Variants in RALY observed in about 807,000 individuals in gnomAD.
RALY encodes the protein RNA-binding protein Raly.
In RALY, 15 loss-of-function variants were observed where a neutral mutation model predicts 30.7. The observed-to-expected ratio is 0.49, with a 90% CI of 0.33 to 0.75. The LOEUF (loss-of-function observed/expected upper bound fraction) is 0.75. Ranked by LOEUF, RALY falls within the 30% of genes least tolerant of loss-of-function variation. The pLI, the probability that RALY is intolerant of heterozygous loss-of-function variation, is 0.02. For synonymous variants in RALY, 177 were observed against 170.8 expected (o/e 1.04, Z -0.28); for missense variants, 339 against 414.3 (o/e 0.82, Z 1.58).
intron 7 of RALY, 31 bp downstream of exon 7, chr20:34,076,846 A>C: frequency 6.2e-7 from 1 of 1,609,206 alleles, no homozygotes; most frequent in Non-Finnish European, 8.5e-7. Flanking sequence ...ACCCACCTCC[A>C]TGACCAGGGC....
At chr20:34,014,545 G>T (rs1012956585) in intron 1 of RALY, among the ~76,000 whole-genome samples, 18 of 152,152 alleles carry the variant, frequency 1.2e-4, no homozygotes, top group Non-Finnish European at 2.4e-4. Context: ...ATTTAAATTT[G>T]GGATTTGGGT....
At position 34,077,072 on chromosome 20, in the gene RALY, G is replaced by GGTGGTGGTGGCAGCGGTGGCGGTGGCA; in HGVS notation, c.715_741dup (p.Ser239_Gly247dup). On this transcript the variant is annotated inframe_insertion, in exon 8 of 10. Transcript: ENST00000246194. ...TGGAGGTGGCGCCGGCGGCGGCGGC[G>GGTGGTGGTGGCAGCGGTGGCGGTGGCA]GTGGTGGTGGCAGCGGTGGCGGTGG... 1.2e-6 allele frequency: 2 copies of GGTGGTGGTGGCAGCGGTGGCGGTGGCA among 1,601,838 alleles called. No individual in the cohort carries two copies. The highest frequency in any genetic ancestry group is 1.3e-5 in the African/African-American group (1 of 74,860).
intron 2 of RALY, among the ~76,000 whole-genome samples, chr20:34,039,308 G>A (rs1159005072): frequency 6.6e-6 from 1 of 152,246 alleles, no homozygotes; most frequent in Non-Finnish European, 1.5e-5. Flanking sequence ...TAATGGCCTA[G>A]AAGGTTGGAA....
chr20:34,077,058 C>CCAGCAG lies in RALY; in HGVS notation c.690_691insAGCAGC (p.Ala230_Gly231insSerSer). 1 of 1,589,162 alleles carries CCAGCAG rather than the reference C, an allele frequency of 6.3e-7. No individual in the cohort carries two copies. The highest frequency in any genetic ancestry group is 8.6e-7 in the Non-Finnish European group (1 of 1,163,916). ...AAGAAGAAGGGTGATGGAGGTGGCG[C>CCAGCAG]CGGCGGCGGCGGCGGTGGTGGTGGC... On this transcript the variant is annotated inframe_insertion, in exon 8 of 10. Coordinates refer to ENST00000246194, the MANE Select transcript of RALY (RefSeq NM_016732.3).
At chr20:34,001,752 A>G (rs1368585290) in intron 1 of RALY, among the ~76,000 whole-genome samples, 2 of 152,072 alleles carry the variant, frequency 1.3e-5, no homozygotes, top group Non-Finnish European at 1.5e-5. Flanking sequence ...ACCACACTAT[A>G]CTGAGAAATC....
rs188685531 is a variant in RALY, at chr20:34,048,342, A to G, written c.-10+16738A>G. 1.7e-4 allele frequency among the ~76,000 whole-genome samples: 26 copies of G among 152,160 alleles called. No individual in the cohort carries two copies. In the East Asian group the frequency reaches 4.3e-3, roughly 25 times the overall value. On this transcript the variant is annotated intron_variant, in intron 2 of 9. Coordinates refer to ENST00000246194, the MANE Select transcript of RALY (RefSeq NM_016732.3). ...ATGAGAGTGTTGGGTCTCCTATGCTATGGAGCATATAGCTGGCTTTGGAAT... is the reference window on the plus strand; with the variant it reads ...ATGAGAGTGTTGGGTCTCCTATGCTGTGGAGCATATAGCTGGCTTTGGAAT...
intron 2 of RALY, among the ~76,000 whole-genome samples, chr20:34,061,258 G>A (rs2268088): frequency 1.3e-5 from 2 of 151,968 alleles, no homozygotes; most frequent in Non-Finnish European, 2.9e-5. Context: ...CCAAGATAAA[G>A]CACCATTAGA....
chr20:34,025,478 A>G (rs546208454), intron 1 of RALY, among the ~76,000 whole-genome samples: 11 of 151,884 alleles, frequency 7.2e-5, no homozygotes, highest in African/African-American at 2.7e-4. Flanking sequence ...TAATTTTTGT[A>G]TTTTTAGTAG....
At chr20:34,044,566 G>A (rs1036235746) in intron 2 of RALY, among the ~76,000 whole-genome samples, 1 of 152,138 alleles carries the variant, frequency 6.6e-6, no homozygotes, top group African/African-American at 2.4e-5. Context: ...GTGATCGGCC[G>A]ACCTCAGGTG....
At position 34,083,979 on chromosome 20, in the gene RALY, TAAA is replaced by T. The variant is rs2034067421; in HGVS notation, c.*4077_*4079del. ...AAACCATTTCCTGAACACCTGCTGT[TAAA>T]AAGCACATTTTACATTTACTTAATC... On this transcript the variant is annotated 3_prime_UTR_variant, in exon 10 of 10. Coordinates refer to ENST00000246194, the MANE Select transcript of RALY (RefSeq NM_016732.3). 6.6e-6 allele frequency: 1 copy of T among 152,260 alleles called. No homozygotes were observed. The highest frequency in any genetic ancestry group is 2.4e-5 in the African/African-American group (1 of 41,462). The allele number at this position is 152,260 out of a possible 1,614,324, so 9.4% of individuals were successfully genotyped here.
intron 1 of RALY, among the ~76,000 whole-genome samples, chr20:34,000,327 C>G (rs570951385): frequency 6.6e-5 from 10 of 151,668 alleles, no homozygotes; most frequent in Non-Finnish European, 1.5e-4. Context: ...ATAAAATCAT[C>G]TGGGGGGGTC....
intron 2 of RALY, among the ~76,000 whole-genome samples, chr20:34,045,322 C>T (rs1259376334): frequency 6.6e-6 from 1 of 152,024 alleles, no homozygotes; most frequent in African/African-American, 2.4e-5. Context: ...TAAAAAGTGG[C>T]CAGAGTAGAC....
intron 2 of RALY, among the ~76,000 whole-genome samples, chr20:34,060,319 A>G (rs183128875): frequency 1.3e-5 from 2 of 152,366 alleles, no homozygotes; most frequent in East Asian, 1.9e-4. Context: ...CTGAGTGCCA[A>G]CATCACATTC....
chr20:34,025,584 G>A (rs548208136), intron 1 of RALY, among the ~76,000 whole-genome samples: 11 of 152,056 alleles, frequency 7.2e-5, no homozygotes, highest in African/African-American at 2.2e-4. Flanking sequence ...GATAACAGGC[G>A]TGAGCCACCT....
chr20:34,006,523 A>G (rs972519487), intron 1 of RALY, among the ~76,000 whole-genome samples: 39 of 152,348 alleles, frequency 2.6e-4, no homozygotes, highest in African/African-American at 9.4e-4. Flanking sequence ...TAAGTCTTCA[A>G]GTCTCGTTTA....
chr20:34,051,175 C>G (rs2033066824), intron 2 of RALY, among the ~76,000 whole-genome samples: 1 of 152,136 alleles, frequency 6.6e-6, no homozygotes, highest in Non-Finnish European at 1.5e-5. Flanking sequence ...TGCTTTTGAA[C>G]CTTAGAGCAA....
At chr20:34,067,202 T>A (rs1601499331) in intron 2 of RALY, among the ~76,000 whole-genome samples, 2 of 152,240 alleles carry the variant, frequency 1.3e-5, no homozygotes, top group East Asian at 3.8e-4. Context: ...CTTTTCTTTT[T>A]TTCTTTTTTT....
intron 1 of RALY, among the ~76,000 whole-genome samples, chr20:34,023,665 T>A (rs1048389181): frequency 6.6e-6 from 1 of 152,008 alleles, no homozygotes; most frequent in Non-Finnish European, 1.5e-5. Flanking sequence ...AGCACCTAAT[T>A]TTGTGCACTC....
intron 2 of RALY, among the ~76,000 whole-genome samples, chr20:34,061,904 CTG>C: frequency 6.6e-6 from 1 of 152,302 alleles, no homozygotes; most frequent in Middle Eastern, 3.4e-3. Context: ...TGTACTTTCT[CTG>C]TATCACTAAT....
Sources: allele counts gnomAD v4.1 joint callset (sites outside exome capture counted in the v4.1 genomes callset), GRCh38; gene constraint gnomAD v4.1.1; transcripts MANE v1.5; gene names NCBI Gene and HGNC (gene_info 2026-07-23, HGNC 2026-07-21).